Variants in USP47 observed in about 807,000 individuals in gnomAD.
The protein encoded by USP47 is ubiquitin carboxyl-terminal hydrolase 47.
In USP47, 35 loss-of-function variants were observed where a neutral mutation model predicts 165.1. That is an observed-to-expected ratio of 0.21 (90% confidence interval 0.16 to 0.28). USP47 has a LOEUF of 0.28. USP47 is among the 10% of genes least tolerant of loss of function. USP47 has a pLI of 1.00. For missense variants in USP47, 1,277 were observed against 1,607.4 expected (o/e 0.79, Z 3.52); for synonymous variants, 531 against 544.5 (o/e 0.98, Z 0.35).
chr11:11,922,300 C>G (rs1303333489), intron 10 of USP47, among the ~76,000 whole-genome samples: 2 of 151,940 alleles, frequency 1.3e-5, no homozygotes, highest in Non-Finnish European at 2.9e-5. Context: ...ACCTAACGCA[C>G]TGATAAACCG....
chr11:11,898,778 T>C (rs1852006982), intron 5 of USP47, among the ~76,000 whole-genome samples: 1 of 152,172 alleles, frequency 6.6e-6, no homozygotes, highest in Non-Finnish European at 1.5e-5. Context: ...TGAAGCTAGA[T>C]ATGGTTTGGC....
chr11:11,936,230 G>A (rs951896206), intron 16 of USP47, 73 bp from the exon 17 acceptor site: 25 of 766,020 alleles, frequency 3.3e-5, no homozygotes, highest in Non-Finnish European at 4.3e-5. Flanking sequence ...AAAACACTGT[G>A]TATTTATATA....
At chr11:11,920,547 T>C in intron 10 of USP47, 53 bp downstream of exon 10, 9 of 1,520,320 alleles carry the variant, frequency 5.9e-6, no homozygotes, top group Non-Finnish European at 7.9e-6. Context: ...TAGTCAGTCA[T>C]GGTTTTGAAA....
At chr11:11,870,688 T>C (rs1203305429) in intron 1 of USP47, among the ~76,000 whole-genome samples, 1 of 152,172 alleles carries the variant, frequency 6.6e-6, no homozygotes, top group Non-Finnish European at 1.5e-5. Context: ...ACCTGAAAAA[T>C]ACTGTGCCAC....
At chr11:11,884,015 C>T (rs1850998685) in intron 2 of USP47, among the ~76,000 whole-genome samples, 1 of 151,830 alleles carries the variant, frequency 6.6e-6, no homozygotes, top group African/African-American at 2.4e-5. Flanking sequence ...GGTTGGGTTG[C>T]TTAGTATGTT....
chr11:11,928,771 CTCT>C, intron 11 of USP47, among the ~76,000 whole-genome samples: 1 of 151,988 alleles, frequency 6.6e-6, no homozygotes, highest in Admixed American at 6.6e-5. Context: ...TATAAATGAC[CTCT>C]TTTTTTTAAA....
chr11:11,897,832 A>G (rs1198911403), intron 5 of USP47, 139 bp downstream of exon 5: 3 of 581,410 alleles, frequency 5.2e-6, no homozygotes, highest in African/African-American at 3.8e-5. Context: ...TTCCTTACGT[A>G]ATAACAAAGA....
At chr11:11,929,950 C>A in intron 12 of USP47, 94 bp from the exon 13 acceptor site, 1 of 1,008,460 alleles carries the variant, frequency 9.9e-7, no homozygotes, top group Non-Finnish European at 1.5e-6. Flanking sequence ...TCTTTGATAG[C>A]ATTTAACTCT....
At chr11:11,901,973 A>C (rs1276871171) in intron 5 of USP47, among the ~76,000 whole-genome samples, 1 of 151,956 alleles carries the variant, frequency 6.6e-6, no homozygotes, top group Non-Finnish European at 1.5e-5. Context: ...AAAAAAAAAA[A>C]AAAGAGGGAA....
chr11:11,861,284 C>T (rs1040758032), intron 1 of USP47, among the ~76,000 whole-genome samples: 1 of 151,926 alleles, frequency 6.6e-6, no homozygotes, highest in Non-Finnish European at 1.5e-5. Flanking sequence ...TTAGTAGAGA[C>T]GGGGTTTCAC....
chr11:11,842,355 C>A, intron 1 of USP47, 131 bp downstream of exon 1: 2 of 1,067,022 alleles, frequency 1.9e-6, no homozygotes, highest in Non-Finnish European at 2.7e-6. Context: ...AGGCGTGAGG[C>A]AGTCGGGGGT....
At chr11:11,916,433 G>A (rs1853423733) in intron 8 of USP47, among the ~76,000 whole-genome samples, 1 of 151,978 alleles carries the variant, frequency 6.6e-6, no homozygotes, top group South Asian at 2.1e-4. Flanking sequence ...ACAAAACCTG[G>A]TATCCAAAAA....
intron 3 of USP47, among the ~76,000 whole-genome samples, chr11:11,887,519 A>C (rs1851240592): frequency 6.6e-6 from 1 of 152,216 alleles, no homozygotes; most frequent in Non-Finnish European, 1.5e-5. Context: ...CAACAAGAAG[A>C]GCTAACTATC....
At chr11:11,849,078 A>G (rs1344495213) in intron 1 of USP47, among the ~76,000 whole-genome samples, 2 of 151,236 alleles carry the variant, frequency 1.3e-5, no homozygotes, top group African/African-American at 4.9e-5. Context: ...ATACATCCGC[A>G]TTTCATAGAG....
intron 11 of USP47, among the ~76,000 whole-genome samples, chr11:11,925,199 C>T (rs554546490): frequency 1.2e-4 from 18 of 150,338 alleles, no homozygotes; most frequent in Admixed American, 6.6e-4. Flanking sequence ...GTTCCACCTC[C>T]CAAGTTCACG....
At position 11,943,017 on chromosome 11, in the gene USP47, A is replaced by T. The variant is rs1417017340; in HGVS notation, c.2996A>T (p.Tyr999Phe). The T allele has an allele frequency of 6.2e-7, 1 of 1,613,600 alleles. No individual in the cohort carries two copies. The highest frequency in any genetic ancestry group is 1.1e-5 in the South Asian group (1 of 91,060). ...AEEDSGTDSEYDESGKSRGEM... is the reference protein window; with the variant it reads ...AEEDSGTDSEFDESGKSRGEM... Reference sequence around the variant, plus strand: ...GAAGACTCTGGAACTGATAGTGAATATGATGAGAGTGGCAAGAGTAGGGGA... The same window carrying T: ...GAAGACTCTGGAACTGATAGTGAATTTGATGAGAGTGGCAAGAGTAGGGGA... The change falls in exon 20 of 28, where the codon TAT becomes TTT. Residue 999 changes from tyrosine (Y) to phenylalanine (F), a missense_variant. Tyr to Phe is a conservative substitution (Grantham distance 22). Around this residue, in one of 4 missense-constraint regions of USP47, gnomAD observed 909 missense variants for 1,068.1 expected, o/e 0.85. Transcript: ENST00000527733.
intron 1 of USP47, among the ~76,000 whole-genome samples, chr11:11,864,907 A>G (rs1446805503): frequency 2.0e-5 from 3 of 151,974 alleles, no homozygotes; most frequent in Admixed American, 6.6e-5. Flanking sequence ...TTCCTGAAGG[A>G]TATTTTCACT....
chr11:11,857,075 T>TA (rs1182959072), intron 1 of USP47, among the ~76,000 whole-genome samples: 1 of 152,018 alleles, frequency 6.6e-6, no homozygotes, highest in Non-Finnish European at 1.5e-5. Context: ...ATTTATTTAA[T>TA]AAAAATAAAA....
In USP47 at chr11:11,936,567, T is replaced by G. The variant is rs796544702; in HGVS notation, c.2077+57T>G. 6.8e-6 allele frequency: 6 copies of G among 880,612 alleles called. No homozygotes were observed. In the African/African-American group the frequency reaches 1.1e-4, roughly 16 times the overall value. The allele number at this position is 880,612 out of a possible 1,614,324, so 54.5% of individuals were successfully genotyped here. A position where few individuals can be genotyped will look rare whatever the true frequency, so the allele number is the denominator to read the frequency against. ...TGTACTTAGAATTTTCATGAGAAAG[T>G]TTTTTTTTTTATTGTAGAAATGAAC... On this transcript the variant is annotated intron_variant, in intron 17 of 27. Transcript: ENST00000527733.
Sources: allele counts gnomAD v4.1 joint callset (sites outside exome capture counted in the v4.1 genomes callset), GRCh38; gene constraint gnomAD v4.1.1; regional missense constraint gnomAD v4.1.1; transcripts MANE v1.5; gene names NCBI Gene and HGNC (gene_info 2026-07-23, HGNC 2026-07-21).